PIWIL2: variants seen among roughly 807,000 people sequenced by gnomAD.
PIWIL2 encodes piwi like RNA-mediated gene silencing 2.
PIWIL2 carries 81 observed loss-of-function variants against 116.5 expected under a neutral mutation model. The observed-to-expected ratio is 0.70, with a 90% CI of 0.58 to 0.84. PIWIL2 has a LOEUF of 0.84. Ranked by LOEUF, PIWIL2 falls within the 40% of genes least tolerant of loss-of-function variation. PIWIL2 has a pLI of 0.00. For missense variants in PIWIL2, 1,272 were observed against 1,212.3 expected (o/e 1.05, Z -0.73); for synonymous variants, 489 against 429.5 (o/e 1.14, Z -1.71).
At chr8:22,320,695 A>G (rs865812873) in intron 20 of PIWIL2, among the ~76,000 whole-genome samples, 2 of 151,858 alleles carry the variant, frequency 1.3e-5, no homozygotes, top group Admixed American at 6.6e-5. Flanking sequence ...GGTTCAAGCA[A>G]TTCTCCTGCC....
chr8:22,298,951 A>G (rs545667060), intron 10 of PIWIL2, among the ~76,000 whole-genome samples: 22 of 152,304 alleles, frequency 1.4e-4, no homozygotes, highest in Middle Eastern at 3.4e-3. Context: ...GTTGGCTTGC[A>G]AAAGTGTGTT....
intron 20 of PIWIL2, among the ~76,000 whole-genome samples, chr8:22,341,914 T>C (rs1832119511): frequency 1.3e-5 from 2 of 149,226 alleles, no homozygotes; most frequent in South Asian, 4.2e-4. Flanking sequence ...AAAACCCTGC[T>C]AGAACTAGTA....
intron 20 of PIWIL2, among the ~76,000 whole-genome samples, chr8:22,331,970 G>A (rs1489790083): frequency 1.3e-5 from 2 of 152,202 alleles, no homozygotes; most frequent in African/African-American, 4.8e-5. Flanking sequence ...CCTAACAATG[G>A]ATAACAGTAG....
At chr8:22,324,379 C>G (rs989547212) in intron 20 of PIWIL2, among the ~76,000 whole-genome samples, 2 of 152,066 alleles carry the variant, frequency 1.3e-5, no homozygotes, top group African/African-American at 2.4e-5. Context: ...TTGAAAGGGA[C>G]ATTAAGTTTG....
intron 10 of PIWIL2, among the ~76,000 whole-genome samples, chr8:22,301,132 A>G (rs1343714108): frequency 6.6e-6 from 1 of 151,690 alleles, no homozygotes; most frequent in Non-Finnish European, 1.5e-5. Context: ...GGCATGCACC[A>G]CCATGCCCAG....
At chr8:22,344,990 A>G (rs1563427170) in intron 20 of PIWIL2, among the ~76,000 whole-genome samples, 1 of 152,212 alleles carries the variant, frequency 6.6e-6, no homozygotes, top group African/African-American at 2.4e-5. Context: ...TAATGCAGCT[A>G]CTTTGGAAAA....
chr8:22,340,429 C>T (rs1026276915), intron 20 of PIWIL2, among the ~76,000 whole-genome samples: 1 of 152,200 alleles, frequency 6.6e-6, no homozygotes, highest in African/African-American at 2.4e-5. Flanking sequence ...CACCTGGAAC[C>T]TGTGAATGTG....
At chr8:22,338,286 G>A (rs1310344887) in intron 20 of PIWIL2, among the ~76,000 whole-genome samples, 1 of 152,164 alleles carries the variant, frequency 6.6e-6, no homozygotes, top group Non-Finnish European at 1.5e-5. Flanking sequence ...GCCAGAACTA[G>A]TAAGCAAGAA....
intron 10 of PIWIL2, among the ~76,000 whole-genome samples, chr8:22,292,936 G>T (rs147812809): frequency 6.6e-6 from 1 of 152,134 alleles, no homozygotes; most frequent in African/African-American, 2.4e-5. Flanking sequence ...TTTTTGGTTT[G>T]CTCTGTTGGG....
At chr8:22,307,774 C>T (rs1381483787) in intron 13 of PIWIL2, among the ~76,000 whole-genome samples, 159 bp from the exon 14 acceptor site, 3 of 152,146 alleles carry the variant, frequency 2.0e-5, no homozygotes, top group Non-Finnish European at 4.4e-5. Flanking sequence ...ATATCACATT[C>T]ACCTTCCTAA....
intron 1 of PIWIL2, among the ~76,000 whole-genome samples, chr8:22,279,004 A>T (rs927203253): frequency 1.3e-5 from 2 of 152,312 alleles, no homozygotes; most frequent in Admixed American, 6.5e-5. Context: ...ATATTTCATT[A>T]TCTATTATAA....
chr8:22,287,853 T>TGTTCG (rs976686929), intron 7 of PIWIL2, among the ~76,000 whole-genome samples: 1 of 152,214 alleles, frequency 6.6e-6, no homozygotes, highest in African/African-American at 2.4e-5. Context: ...AATTCCTGTA[T>TGTTCG]GTTCGAGTTG....
At chr8:22,301,545 C>T (rs1283512249) in intron 10 of PIWIL2, among the ~76,000 whole-genome samples, 3 of 152,122 alleles carry the variant, frequency 2.0e-5, no homozygotes, top group Non-Finnish European at 4.4e-5. Context: ...CCCCCCGCCT[C>T]AGCCTCCCAA....
At position 22,316,341 on chromosome 8, in the gene PIWIL2, C is replaced by T; in HGVS notation, c.2297+8C>T. On this transcript the variant is annotated splice_region_variant and intron_variant, in intron 19 of 22. Coordinates refer to ENST00000356766, the MANE Select transcript of PIWIL2 (RefSeq NM_018068.5). ...CGTGGCAAGCATCAATCTGTAAGTA[C>T]TGCTCACAGTGCCATCTTGTTTGAT... 6.5e-7 allele frequency: 1 copy of T among 1,537,158 alleles called. No homozygotes were observed.
intron 4 of PIWIL2, among the ~76,000 whole-genome samples, chr8:22,282,025 G>A (rs141737197): frequency 2.1e-4 from 32 of 150,070 alleles, no homozygotes; most frequent in African/African-American, 6.9e-4. Context: ...CACCCACCTC[G>A]GCCTCCCAAA....
In PIWIL2 at chr8:22,283,220, G is replaced by C. The variant is rs1364407791; in HGVS notation, c.612G>C (p.Leu204=). 2.5e-6 allele frequency: 4 copies of C among 1,613,866 alleles called. No individual in the cohort carries two copies. The highest frequency in any genetic ancestry group is 3.3e-5 in the Admixed American group (2 of 60,022). Reference sequence around the variant, plus strand: ...ACTCTCCAGATCGCCCTCTGGTCCTGACTGTGGAACACAAGGAAAAGTAAG... The same window carrying C: ...ACTCTCCAGATCGCCCTCTGGTCCTCACTGTGGAACACAAGGAAAAGTAAG... ...PLHSPDRPLV[L]TVEHKEKELI... The change falls in exon 5 of 23, where the codon CTG becomes CTC. Residue 204 remains leucine, a synonymous_variant. Transcript: ENST00000356766.
At chr8:22,280,202 T>A (rs1401802308) in intron 2 of PIWIL2, among the ~76,000 whole-genome samples, 1 of 152,166 alleles carries the variant, frequency 6.6e-6, no homozygotes, top group Non-Finnish European at 1.5e-5. Context: ...AATCTCTTGT[T>A]GTTTTCTGAA....
intron 1 of PIWIL2, among the ~76,000 whole-genome samples, chr8:22,276,633 TAAG>T (rs924373604): frequency 2.0e-5 from 3 of 152,130 alleles, no homozygotes; most frequent in African/African-American, 7.2e-5. Context: ...TTTTGAAAGT[TAAG>T]AAGAGGCTTC....
intron 1 of PIWIL2, 33 bp from the exon 2 acceptor site, chr8:22,279,308 T>C (rs888347868): frequency 1.7e-5 from 20 of 1,149,686 alleles, no homozygotes; most frequent in South Asian, 1.1e-4. Flanking sequence ...AGGAAAACAA[T>C]TGGGAATCTT....
Sources: allele counts gnomAD v4.1 joint callset (sites outside exome capture counted in the v4.1 genomes callset), GRCh38; gene constraint gnomAD v4.1.1; transcripts MANE v1.5; gene names NCBI Gene and HGNC (gene_info 2026-07-23, HGNC 2026-07-21).